The following ARHGAP10 variants were observed in gnomAD, a reference collection of about 807,000 sequenced individuals.
The protein encoded by ARHGAP10 is rho GTPase-activating protein 10.
In ARHGAP10, 87 loss-of-function variants were observed where a neutral mutation model predicts 108.6. The ratio of observed to expected loss-of-function variants is 0.80; its 90% CI spans 0.67 to 0.96. The LOEUF (loss-of-function observed/expected upper bound fraction) is 0.96, where lower values mean the gene tolerates loss of function less well. Among genes scored for constraint, ARHGAP10 ranks in the 40% least tolerant of loss-of-function variants. The pLI is 0.00. For synonymous variants in ARHGAP10, 347 were observed against 341.1 expected (o/e 1.02, Z -0.19); for missense variants, 939 against 954.5 (o/e 0.98, Z 0.21).
At position 147,866,536 on chromosome 4, in the gene ARHGAP10, A is replaced by G. The variant is rs183551662; in HGVS notation, c.598-176A>G. On this transcript the variant is annotated intron_variant, in intron 6 of 22. Transcript: ENST00000336498. ...GAAAAAAGCATCATTTTCTATAAAG[A>G]CCAATTAATAGATAATATGTACTTG... is the stretch of plus-strand genomic sequence containing the variant. 18 of 528,028 alleles carry G rather than the reference A, an allele frequency of 3.4e-5. No individual in the cohort carries two copies. In the Middle Eastern group the frequency reaches 1.4e-3, roughly 40 times the overall value. 32.7% of individuals were successfully genotyped at this position (528,028 alleles called of 1,614,324 possible).
intron 1 of ARHGAP10, among the ~76,000 whole-genome samples, chr4:147,759,224 C>G (rs1729499454): frequency 6.6e-6 from 1 of 152,132 alleles, no homozygotes; most frequent in Non-Finnish European, 1.5e-5. Flanking sequence ...TATCTGAGAA[C>G]TCCGTATGTT....
rs1284530948 is a variant in ARHGAP10, at chr4:147,951,319, C to T, written c.1392-3997C>T. On this transcript the variant is annotated intron_variant, in intron 15 of 22. Transcript: ENST00000336498. ...CATTTTTCTTCTTTGTTACCTCCTGCTTGTCTATATTTTGAAACAAACCCC... is the reference window on the plus strand; with the variant it reads ...CATTTTTCTTCTTTGTTACCTCCTGTTTGTCTATATTTTGAAACAAACCCC... Among the ~76,000 whole-genome samples, 3 of 151,482 alleles carry T rather than the reference C, an allele frequency of 2.0e-5. No individual in the cohort carries two copies. The East Asian group carries it at 5.8e-4, about 29-fold the overall frequency.
intron 1 of ARHGAP10, among the ~76,000 whole-genome samples, chr4:147,750,945 T>C (rs1729118624): frequency 1.3e-5 from 2 of 151,962 alleles, no homozygotes; most frequent in East Asian, 2.0e-4. Context: ...GGAGGGCTCA[T>C]TGTGGGCAGG....
chr4:147,817,577 T>C (rs1003725919), intron 1 of ARHGAP10, among the ~76,000 whole-genome samples: 2 of 152,154 alleles, frequency 1.3e-5, no homozygotes, highest in Admixed American at 6.5e-5. Context: ...ACTCAGCACA[T>C]CTCAAATATA....
At chr4:147,946,400 T>C (rs1434022523) in intron 14 of ARHGAP10, 1 of 431,272 alleles carries the variant, frequency 2.3e-6, no homozygotes, top group East Asian at 3.5e-5. Context: ...TCTTATTTTT[T>C]GCTTTGATCT....
chr4:147,877,770 A>G (rs1340533730), intron 8 of ARHGAP10, among the ~76,000 whole-genome samples: 1 of 150,236 alleles, frequency 6.7e-6, no homozygotes. Flanking sequence ...GTTCTGGGGC[A>G]TACTTGGACA....
intron 20 of ARHGAP10, among the ~76,000 whole-genome samples, chr4:148,049,312 T>C (rs1014857468): frequency 6.6e-6 from 1 of 152,198 alleles, no homozygotes; most frequent in African/African-American, 2.4e-5. Flanking sequence ...GAATGAGCCT[T>C]GATATGGAAG....
At chr4:147,837,000 C>T (rs998261990) in intron 3 of ARHGAP10, among the ~76,000 whole-genome samples, 1 of 152,174 alleles carries the variant, frequency 6.6e-6, no homozygotes, top group African/African-American at 2.4e-5. Flanking sequence ...TTTTTCCGTG[C>T]TGGAGGGCCC....
Position 147,732,268 on chromosome 4 carries a change from C to A in ARHGAP10, c.-34C>A. The A allele has an allele frequency of 6.5e-7, 1 of 1,534,190 alleles. No homozygotes were observed. Among genetic ancestry groups the A allele is most frequent in the Admixed American group, 2.0e-5 (1 of 50,062 alleles). On this transcript the variant is annotated 5_prime_UTR_variant, in exon 1 of 23. Transcript: ENST00000336498. The stretch of plus-strand genomic sequence containing the variant: ...GGAGCTCGGCTCGGGCAGGAGCGCG[C>A]GGCCGTGCGCACCGCGCAGCGACCG...
chr4:147,947,223 CT>C, intron 15 of ARHGAP10, among the ~76,000 whole-genome samples: 1 of 138,114 alleles, frequency 7.2e-6, no homozygotes, highest in Non-Finnish European at 1.5e-5. Context: ...TTATGAGTCA[CT>C]GTCTTTTTTT....
At chr4:147,857,809 T>A (rs2126833484) in intron 5 of ARHGAP10, 155 bp downstream of exon 5, 2 of 598,562 alleles carry the variant, frequency 3.3e-6, no homozygotes, top group East Asian at 9.4e-5. Flanking sequence ...AAAAAGTCCT[T>A]GTGAAACAAG....
intron 13 of ARHGAP10, among the ~76,000 whole-genome samples, chr4:147,926,690 T>G (rs1560830009): frequency 6.6e-6 from 1 of 152,130 alleles, no homozygotes; most frequent in South Asian, 2.1e-4. Flanking sequence ...AATGCTTCTA[T>G]TTTGATGATG....
At chr4:147,933,514 T>G (rs1737787804) in intron 13 of ARHGAP10, among the ~76,000 whole-genome samples, 1 of 152,216 alleles carries the variant, frequency 6.6e-6, no homozygotes, top group African/African-American at 2.4e-5. Flanking sequence ...CTAAGATGAC[T>G]GACTCTTGGG....
chr4:147,837,365 A>G (rs916266957), intron 3 of ARHGAP10, among the ~76,000 whole-genome samples: 2 of 152,244 alleles, frequency 1.3e-5, no homozygotes, highest in African/African-American at 2.4e-5. Context: ...ATCCTTTATT[A>G]GTCTGGATTC....
intron 1 of ARHGAP10, among the ~76,000 whole-genome samples, chr4:147,758,028 G>A (rs1273439178): frequency 6.6e-6 from 1 of 152,128 alleles, no homozygotes; most frequent in African/African-American, 2.4e-5. Flanking sequence ...ATTAGATAAA[G>A]GAACTGTTTT....
At chr4:147,923,081 C>T (rs1346525748) in intron 13 of ARHGAP10, among the ~76,000 whole-genome samples, 1 of 152,168 alleles carries the variant, frequency 6.6e-6, no homozygotes, top group Non-Finnish European at 1.5e-5. Flanking sequence ...TATTGTGTGT[C>T]TCAACAATTT....
chr4:147,909,042 C>T (rs147624249), intron 11 of ARHGAP10, among the ~76,000 whole-genome samples: 190 of 152,290 alleles, frequency 1.2e-3, no homozygotes, highest in Admixed American at 2.7e-3. Context: ...AGTTCAGGTG[C>T]CCATCACAAG....
At chr4:147,913,700 G>T (rs1371080321) in intron 13 of ARHGAP10, among the ~76,000 whole-genome samples, 5 of 152,114 alleles carry the variant, frequency 3.3e-5, no homozygotes, top group African/African-American at 9.7e-5. Context: ...TGAGAAACTG[G>T]TGTTTAGGGC....
In ARHGAP10 at chr4:147,817,013, G is replaced by T. The variant is rs1033451421; in HGVS notation, c.155-5714G>T. On this transcript the variant is annotated intron_variant, in intron 1 of 22. Transcript: ENST00000336498. ...TGCGTAGTTGATAATCTAATTATGTGGCTCTCTACATAAAGAATATGAGCT... is the reference window on the plus strand; with the variant it reads ...TGCGTAGTTGATAATCTAATTATGTTGCTCTCTACATAAAGAATATGAGCT... 2.6e-5 allele frequency among the ~76,000 whole-genome samples: 4 copies of T among 152,070 alleles called. No homozygotes were observed. In the East Asian group the frequency reaches 7.7e-4, roughly 29 times the overall value.
Sources: allele counts gnomAD v4.1 joint callset (sites outside exome capture counted in the v4.1 genomes callset), GRCh38; gene constraint gnomAD v4.1.1; transcripts MANE v1.5; gene names NCBI Gene and HGNC (gene_info 2026-07-23, HGNC 2026-07-21).